The following AP2A2 variants were observed in gnomAD, a reference collection of about 807,000 sequenced individuals.
The protein encoded by AP2A2 is adaptor related protein complex 2 subunit alpha 2.
A neutral mutation model predicts 104.2 loss-of-function variants in AP2A2; 32 were observed. The observed-to-expected ratio is 0.31, with a 90% CI of 0.23 to 0.41. The LOEUF (loss-of-function observed/expected upper bound fraction) is 0.41, where lower values mean the gene tolerates loss of function less well. Ranked by LOEUF, AP2A2 falls within the 10% of genes least tolerant of loss-of-function variation. AP2A2 has a pLI of 1.00. For synonymous variants in AP2A2, 539 were observed against 533.3 expected (o/e 1.01, Z -0.15); for missense variants, 912 against 1,261.0 (o/e 0.72, Z 4.19).
intron 1 of AP2A2, among the ~76,000 whole-genome samples, chr11:928,114 C>T (rs933854319): frequency 2.0e-5 from 3 of 152,170 alleles, no homozygotes; most frequent in Non-Finnish European, 2.9e-5. Context: ...GTGCCAGGGC[C>T]TGCGTTTGAC....
intron 1 of AP2A2, among the ~76,000 whole-genome samples, chr11:926,700 G>A (rs766347110): frequency 6.6e-6 from 1 of 152,172 alleles, no homozygotes; most frequent in Non-Finnish European, 1.5e-5. Flanking sequence ...TCTCACCTAC[G>A]ACGATTAAAA....
Position 994,203 on chromosome 11 carries a change from G to A in AP2A2, c.1914G>A (p.Val638=). The A allele has an allele frequency of 6.2e-7, 1 of 1,612,936 alleles. No homozygotes were observed. Reference sequence around the variant, plus strand: ...CCAAGCGGGACAGGAGTGTGGACGTGAACGGGGGTCCTGAGCCTGCCCCAG... The same window carrying A: ...CCAAGCGGGACAGGAGTGTGGACGTAAACGGGGGTCCTGAGCCTGCCCCAG... ...EDTKRDRSVD[V]NGGPEPAPAS... is the part of the protein sequence containing the mutation. The change falls in exon 14 of 22, where the codon GTG becomes GTA. Residue 638 remains valine, a synonymous_variant. Coordinates refer to ENST00000448903, the MANE Select transcript of AP2A2 (RefSeq NM_012305.4).
At chr11:950,241 A>G (rs890402960) in intron 1 of AP2A2, among the ~76,000 whole-genome samples, 2 of 152,036 alleles carry the variant, frequency 1.3e-5, no homozygotes, top group African/African-American at 2.4e-5. Context: ...CATAAACCCA[A>G]CTGTAAGAGC....
chr11:933,457 G>A (rs1320630655), intron 1 of AP2A2: 1 of 449,862 alleles, frequency 2.2e-6, no homozygotes, highest in East Asian at 7.0e-5. Context: ...GTTTTGTCAC[G>A]AGAGAATTTC....
At chr11:1,000,041 C>G (rs777729563) in intron 14 of AP2A2, among the ~76,000 whole-genome samples, 5 of 151,438 alleles carry the variant, frequency 3.3e-5, no homozygotes, top group African/African-American at 9.7e-5. Flanking sequence ...CTCCTGACCT[C>G]GTGATCCGCC....
chr11:970,804 G>GT (rs1382823242), intron 3 of AP2A2, among the ~76,000 whole-genome samples: 2 of 152,230 alleles, frequency 1.3e-5, no homozygotes, highest in African/African-American at 4.8e-5. Context: ...GGACAGCTTT[G>GT]TTTCTGCAGT....
rs964973572 is a variant in AP2A2, at chr11:938,631, C to T, written c.67+12543C>T. Among the ~76,000 whole-genome samples, 7 of 151,984 alleles carry T rather than the reference C, an allele frequency of 4.6e-5. No individual in the cohort carries two copies. In the Middle Eastern group the frequency reaches 0.01, roughly 222 times the overall value. ...CTGGGACTACAGGTGCCCGCCACCA[C>T]GCCTGGCTAATTTTTGGTATTTTTA... is the stretch of plus-strand genomic sequence containing the variant. On this transcript the variant is annotated intron_variant, in intron 1 of 21. Transcript: ENST00000448903.
intron 5 of AP2A2, among the ~76,000 whole-genome samples, chr11:977,610 T>G (rs1564805068): frequency 1.3e-5 from 2 of 151,090 alleles, no homozygotes; most frequent in Non-Finnish European, 2.9e-5. Context: ...CAGGCCCCCA[T>G]GGTATAGGCA....
chr11:926,521 C>T (rs1368041565), intron 1 of AP2A2, among the ~76,000 whole-genome samples: 3 of 152,124 alleles, frequency 2.0e-5, no homozygotes, highest in Non-Finnish European at 4.4e-5. Context: ...CCAAGACGCC[C>T]CTCCCCAGCA....
At chr11:956,364 C>T (rs1213566707) in intron 1 of AP2A2, among the ~76,000 whole-genome samples, 16 of 152,034 alleles carry the variant, frequency 1.1e-4, no homozygotes, top group African/African-American at 3.6e-4. Context: ...GGTTTCGCCA[C>T]GTTGGCTAGG....
intron 10 of AP2A2, among the ~76,000 whole-genome samples, chr11:990,186 G>A (rs969345599): frequency 6.6e-6 from 1 of 152,230 alleles, no homozygotes; most frequent in African/African-American, 2.4e-5. Context: ...TCTCACGCTG[G>A]ACTGTCCACC....
rs373604683 is a variant in AP2A2 at position 1,008,058 on chromosome 11, C to T, written c.2343C>T (p.Gly781=). ...TKPVDPTVEG[G]AQVQQVVNIE... ...CCGTGGACCCGACCGTGGAGGGGGG[C>T]GCGCAGGTGCAGCAGGTGGTCAACA... Residue 781 remains glycine, a synonymous_variant, in exon 18 of 22, where the codon GGC becomes GGT. Transcript: ENST00000448903. The T allele has an allele frequency of 3.5e-5, 55 of 1,582,270 alleles. No homozygotes were observed. The Middle Eastern group carries it at 5.0e-4, about 14-fold the overall frequency.
intron 17 of AP2A2, 23 bp downstream of exon 17, chr11:1,006,640 A>G (rs1462411147): frequency 6.3e-7 from 1 of 1,576,192 alleles, no homozygotes; most frequent in Non-Finnish European, 8.7e-7. Context: ...TCATTGCCCC[A>G]TGCCCGCAGA....
rs1330448108 is a variant in AP2A2 at position 986,956 on chromosome 11, G to A, written c.1131+3G>A. 8 of 1,572,614 alleles carry A rather than the reference G, an allele frequency of 5.1e-6. No individual in the cohort carries two copies. The highest frequency in any genetic ancestry group is 3.5e-5 in the South Asian group (3 of 85,428). ...AGACGGTCATCAACGCCCTGAAGGC[G>A]AGTGCCCTGTCCTTGGGTTCTGCTC... On this transcript the variant is annotated splice_donor_region_variant and intron_variant, in intron 9 of 21. Coordinates refer to ENST00000448903, the MANE Select transcript of AP2A2 (RefSeq NM_012305.4).
At position 1,007,848 on chromosome 11, in the gene AP2A2, G is replaced by A. The variant is rs115131030; in HGVS notation, c.2297-164G>A. The A allele has an allele frequency of 2.4e-3, 2,173 of 918,690 alleles. 48 individuals are homozygous for A. In the African/African-American group the frequency reaches 0.032, roughly 14 times the overall value. 56.9% of individuals were successfully genotyped at this position (918,690 alleles called of 1,614,324 possible). ...AGACAGTGTTTTGAGGATTGTCTGG[G>A]TGGAAGGGCAGGGCCGGGTGGTGTG... On this transcript the variant is annotated intron_variant, in intron 17 of 21. Transcript: ENST00000448903.
intron 1 of AP2A2, among the ~76,000 whole-genome samples, chr11:929,909 G>A (rs749683691): frequency 6.6e-6 from 1 of 151,946 alleles, no homozygotes; most frequent in African/African-American, 2.4e-5. Flanking sequence ...ATCACCTGAG[G>A]TCAGGAGTTC....
chr11:951,284 T>C (rs1441115811), intron 1 of AP2A2, among the ~76,000 whole-genome samples: 4 of 152,084 alleles, frequency 2.6e-5, no homozygotes, highest in African/African-American at 7.2e-5. Context: ...TCCAGCACTT[T>C]GGGAGGCCGA....
chr11:973,072 T>A (rs915206469), intron 4 of AP2A2, among the ~76,000 whole-genome samples: 1 of 152,124 alleles, frequency 6.6e-6, no homozygotes, highest in African/African-American at 2.4e-5. Flanking sequence ...CCTGCGGAGT[T>A]GGGAAACTGA....
At chr11:981,388 G>A (rs1436713969) in intron 6 of AP2A2, 89 bp downstream of exon 6, 1 of 1,179,088 alleles carries the variant, frequency 8.5e-7, no homozygotes, top group African/African-American at 1.5e-5. Flanking sequence ...CAAGGTATTT[G>A]ATCAGTTTAT....
Sources: gnomAD v4.1 joint callset for allele counts (sites outside exome capture counted in the v4.1 genomes callset) on GRCh38, gnomAD v4.1.1 for gene constraint, MANE v1.5 for transcripts, NCBI Gene and HGNC (gene_info 2026-07-23, HGNC 2026-07-21) for gene names.